The following CDYL variants were observed in gnomAD, a reference collection of about 807,000 sequenced individuals.
CDYL encodes chromodomain Y like, also known as chromodomain Y-like protein.
In CDYL, 8 loss-of-function variants were observed where a neutral mutation model predicts 47.3. That is an observed-to-expected ratio of 0.17 (90% CI 0.10 to 0.31). The LOEUF is 0.31. Among genes scored for constraint, CDYL ranks in the 10% least tolerant of loss-of-function variants. CDYL has a pLI of 1.00. For synonymous variants in CDYL, 266 were observed against 265.0 expected (o/e 1.00, Z -0.04); for missense variants, 471 against 701.4 (o/e 0.67, Z 3.71).
intron 2 of CDYL, among the ~76,000 whole-genome samples, chr6:4,907,394 T>G (rs1349600907): frequency 6.6e-6 from 1 of 152,228 alleles, no homozygotes; most frequent in Non-Finnish European, 1.5e-5. Context: ...CGGCTCCGTC[T>G]CATCCAGGCT....
chr6:4,771,536 C>T (rs777089071), upstream of CDYL, among the ~76,000 whole-genome samples: 12 of 152,342 alleles, frequency 7.9e-5, no homozygotes, highest in African/African-American at 2.2e-4. Flanking sequence ...CCCCACTAAG[C>T]GCCTCCAAGT....
intron 2 of CDYL, among the ~76,000 whole-genome samples, chr6:4,914,351 C>G (rs1169382017): frequency 6.6e-5 from 10 of 152,142 alleles, no homozygotes; most frequent in African/African-American, 2.4e-4. Context: ...GTCCTCTCCT[C>G]TGTGCCTGAA....
intron 2 of CDYL, among the ~76,000 whole-genome samples, chr6:4,927,359 C>T (rs1581270461): frequency 6.8e-6 from 1 of 147,874 alleles, no homozygotes; most frequent in African/African-American, 2.5e-5. Context: ...GAAAGAACGT[C>T]TTTTTTTTTT....
chr6:4,937,186 A>G (rs564550413), intron 3 of CDYL, among the ~76,000 whole-genome samples: 1 of 152,230 alleles, frequency 6.6e-6, no homozygotes, highest in African/African-American at 2.4e-5. Context: ...GCAAAACTCC[A>G]TCTCTACAAA....
chr6:4,946,828 C>T (rs1758535502), intron 5 of CDYL, among the ~76,000 whole-genome samples: 1 of 152,200 alleles, frequency 6.6e-6, no homozygotes, highest in Non-Finnish European at 1.5e-5. Flanking sequence ...TGCTGCCCTC[C>T]TCCCTCTGGC....
chr6:4,812,606 C>A (rs556016235), intron 1 of CDYL, among the ~76,000 whole-genome samples: 12 of 152,242 alleles, frequency 7.9e-5, no homozygotes, highest in African/African-American at 2.9e-4. Context: ...AGTTGCCTAT[C>A]CCTCCCCTTT....
At chr6:4,929,523 C>CACACACACACACACACAT (rs1392146007) in intron 2 of CDYL, among the ~76,000 whole-genome samples, 1 of 148,264 alleles carries the variant, frequency 6.7e-6, no homozygotes, top group African/African-American at 2.6e-5. Flanking sequence ...CACACACACA[C>CACACACACACACACACAT]ACATACATAC....
Position 4,768,215 on chromosome 6 carries a change from A to G in CDYL, c.186+33371A>G, listed in dbSNP as rs1346582562. On this transcript the variant is annotated intron_variant, in intron 3 of 8. Transcript: ENST00000328908. ...TTCATCCTTTAGATTTTAGCTCGCT[A>G]GTTCAGGGACAACCTAATCACAAAT... Among the ~76,000 whole-genome samples the G allele has an allele frequency of 5.3e-5, 8 of 152,236 alleles. No individual in the cohort carries two copies. The East Asian group carries it at 1.5e-3, about 29-fold the overall frequency.
intron 2 of CDYL, among the ~76,000 whole-genome samples, chr6:4,911,174 G>C (rs1291309144): frequency 6.6e-6 from 1 of 152,240 alleles, no homozygotes; most frequent in Non-Finnish European, 1.5e-5. Context: ...CAGGGATATA[G>C]TGTTCTGTTT....
At chr6:4,778,961 G>A (rs890227664) in intron 1 of CDYL, among the ~76,000 whole-genome samples, 1 of 152,158 alleles carries the variant, frequency 6.6e-6, no homozygotes, top group African/African-American at 2.4e-5. Context: ...TGGGATCAGT[G>A]TTTCCCTTAT....
intron 5 of CDYL, among the ~76,000 whole-genome samples, chr6:4,950,931 C>CAAAA (rs11434312): frequency 8.0e-6 from 1 of 124,464 alleles, no homozygotes; most frequent in Non-Finnish European, 1.6e-5. Flanking sequence ...GACTCCGTCT[C>CAAAA]AAAAAAAAAA....
intron 2 of CDYL, chr6:4,724,882 T>C (rs1054627532): frequency 6.6e-6 from 1 of 152,128 alleles, no homozygotes; most frequent in African/African-American, 2.4e-5. Flanking sequence ...CACAGCAGAT[T>C]ACCGCTGCTG....
intron 1 of CDYL, among the ~76,000 whole-genome samples, chr6:4,815,110 T>G (rs1430413776): frequency 6.6e-6 from 1 of 152,242 alleles, no homozygotes; most frequent in African/African-American, 2.4e-5. Context: ...TACATGCTTA[T>G]GCTTTTATAC....
intron 1 of CDYL, among the ~76,000 whole-genome samples, chr6:4,843,086 C>T (rs561927212): frequency 6.6e-6 from 1 of 152,202 alleles, no homozygotes; most frequent in East Asian, 1.9e-4. Flanking sequence ...ATATAAAATT[C>T]TTGGCTTATA....
intron 1 of CDYL, among the ~76,000 whole-genome samples, chr6:4,819,160 C>CTG (rs1242099604): frequency 0.014 from 1,781 of 123,916 alleles, 16 homozygotes; most frequent in Non-Finnish European, 0.019. Context: ...CTCTCTCTCT[C>CTG]TCTGTGTGTG....
At chr6:4,929,911 A>G (rs753378465) in intron 2 of CDYL, among the ~76,000 whole-genome samples, 13 of 151,696 alleles carry the variant, frequency 8.6e-5, no homozygotes, top group Non-Finnish European at 1.2e-4. Context: ...GAACATTGTG[A>G]TTTACATTTT....
rs550186896 is a variant in CDYL at position 4,942,885 on chromosome 6, G to GA, written c.1122-660dup. 2.0e-3 allele frequency among the ~76,000 whole-genome samples: 301 copies of GA among 152,334 alleles called. 2 individuals carry two copies. The highest frequency in any genetic ancestry group is 7.0e-3 in the African/African-American group (293 of 41,570). ...TGGAGCAGGATGTGGGTACAGGCCT[G>GA]AGCCCTGTGCTGTTTGCTCTTCTTG... On this transcript the variant is annotated intron_variant, in intron 4 of 6. Transcript: ENST00000397588.
intron 2 of CDYL, among the ~76,000 whole-genome samples, chr6:4,900,779 G>GTGTGTATATATGTATGTGTATA: frequency 5.8e-5 from 3 of 51,702 alleles, no homozygotes; most frequent in Admixed American, 2.0e-4. Flanking sequence ...GTATACGTGT[G>GTGTGTATATATGTATGTGTATA]TATATATATA....
intron 1 of CDYL, chr6:4,715,707 T>C (rs1324318288): frequency 9.4e-6 from 15 of 1,595,232 alleles, no homozygotes; most frequent in Admixed American, 8.7e-5. Context: ...CCATGTACTG[T>C]AGTAAATTCC....
Sources: gnomAD v4.1 joint callset for allele counts (sites outside exome capture counted in the v4.1 genomes callset) on GRCh38, gnomAD v4.1.1 for gene constraint, MANE v1.5 for transcripts, NCBI Gene and HGNC (gene_info 2026-07-23, HGNC 2026-07-21) for gene names.